The following FER1L5 variants were observed in gnomAD, a reference collection of about 807,000 sequenced individuals.
The protein encoded by FER1L5 is fer-1-like protein 5.
FER1L5 carries 187 observed loss-of-function variants against 279.9 expected under a neutral mutation model. The observed-to-expected ratio is 0.67, with a 90% confidence interval of 0.59 to 0.75. FER1L5 has a LOEUF of 0.75. Among genes scored for constraint, FER1L5 ranks in the 30% least tolerant of loss-of-function variants. The probability of loss-of-function intolerance (pLI) is 0.00; values close to 1 mark genes in which losing one functional copy is unlikely to be tolerated. For missense variants in FER1L5, 2,091 were observed against 2,594.4 expected (o/e 0.81, Z 4.21); for synonymous variants, 921 against 989.7 (o/e 0.93, Z 1.30).
intron 4 of FER1L5, 74 bp downstream of exon 4, chr2:96,647,960 C>A: frequency 8.3e-7 from 1 of 1,201,922 alleles, no homozygotes; most frequent in Non-Finnish European, 1.2e-6. Context: ...GCCCACACCA[C>A]AAGAGTGCTT....
At chr2:96,688,849 A>G (rs1427601272) in intron 24 of FER1L5, 2 of 210,558 alleles carry the variant, frequency 9.5e-6, no homozygotes, top group Non-Finnish European at 1.9e-5. Flanking sequence ...CCACTTGACC[A>G]CCATTGCTGC....
At chr2:96,674,155 T>C (rs1000452214) in intron 19 of FER1L5, among the ~76,000 whole-genome samples, 4 of 152,200 alleles carry the variant, frequency 2.6e-5, no homozygotes, top group African/African-American at 9.6e-5. Flanking sequence ...CCTATGCCCA[T>C]TGGCAGTCAC....
chr2:96,663,625 A>T, intron 14 of FER1L5, 118 bp downstream of exon 14: 1 of 1,101,760 alleles, frequency 9.1e-7, no homozygotes, highest in Non-Finnish European at 1.3e-6. Context: ...GGCAAGGGGG[A>T]CTCTGCCTGA....
Position 96,689,328 on chromosome 2 carries a change from C to T in FER1L5, c.2477C>T (p.Pro826Leu). The stretch of plus-strand genomic sequence containing the variant: ...CTCCCCATGACGGATTTCCAACCAC[C>T]CCTGGGATGGCACTGGCAGGACAGC... ...KTLPMTDFQP[P>L]LGWHWQDSWT... The change falls in exon 25 of 53, where the codon CCC (proline) becomes CTC (leucine). Residue 826 changes from proline (P) to leucine (L), a missense_variant. Pro to Leu is a moderately conservative substitution (Grantham distance 98). Coordinates refer to ENST00000624922, the MANE Select transcript of FER1L5 (RefSeq NM_001293083.2). This position sits in a 1 kb window ranked among gnomAD's most constrained non-coding sequence, Gnocchi z 4.6. 1 of 1,550,742 alleles carries T rather than the reference C, an allele frequency of 6.4e-7. No homozygotes were observed. Among genetic ancestry groups the T allele is most frequent in the Non-Finnish European group, 8.7e-7 (1 of 1,146,754 alleles).
chr2:96,704,216 C>G lies in FER1L5; in HGVS notation c.5803C>G (p.Arg1935Gly), dbSNP rs757294299. The stretch of plus-strand genomic sequence containing the variant: ...GACATCTCCCTGGCTCCTGGACAGA[C>G]GCACCAACACCTCTTTCACGTGGCT... Reference protein sequence around the residue: ...NQYPTLHPPLRTNTSFTWLRS... With the variant: ...NQYPTLHPPLGTNTSFTWLRS... The change falls in exon 52 of 53, where the codon CGC becomes GGC. Residue 1935 changes from arginine (R) to glycine (G), a missense_variant and splice_region_variant. Coordinates refer to ENST00000624922, the MANE Select transcript of FER1L5 (RefSeq NM_001293083.2). 1.2e-6 allele frequency: 2 copies of G among 1,613,882 alleles called. No individual in the cohort carries two copies. Among genetic ancestry groups the G allele is most frequent in the Non-Finnish European group, 1.7e-6 (2 of 1,179,830 alleles).
intron 9 of FER1L5, among the ~76,000 whole-genome samples, chr2:96,656,534 G>A (rs1344360066): frequency 2.0e-5 from 3 of 152,152 alleles, no homozygotes; most frequent in Non-Finnish European, 4.4e-5. Context: ...TGAGGCTGAG[G>A]CAGGTGAATC....
chr2:96,696,692 C>T (rs552751484), intron 37 of FER1L5, among the ~76,000 whole-genome samples: 2 of 152,070 alleles, frequency 1.3e-5, no homozygotes, highest in Admixed American at 6.5e-5. Context: ...CTTAAGGTCA[C>T]GAGTTCAAGA....
At chr2:96,679,940 C>G (rs150106342) in intron 19 of FER1L5, among the ~76,000 whole-genome samples, 1 of 152,018 alleles carries the variant, frequency 6.6e-6, no homozygotes, top group African/African-American at 2.4e-5. Context: ...CTGAAGTTTA[C>G]GGGCTCACAT....
At chr2:96,643,593 A>T (rs1573745134) in intron 1 of FER1L5, among the ~76,000 whole-genome samples, 1 of 151,952 alleles carries the variant, frequency 6.6e-6, no homozygotes, top group Non-Finnish European at 1.5e-5. Flanking sequence ...CAGGGGACCC[A>T]CCTGCCTCGG....
chr2:96,704,212 C>T lies in FER1L5; in HGVS notation c.5802-3C>T. On this transcript the variant is annotated splice_region_variant and splice_polypyrimidine_tract_variant and intron_variant, in intron 51 of 52. Transcript: ENST00000624922. Reference sequence around the variant, plus strand: ...CTCTGACATCTCCCTGGCTCCTGGACAGACGCACCAACACCTCTTTCACGT... The same window carrying T: ...CTCTGACATCTCCCTGGCTCCTGGATAGACGCACCAACACCTCTTTCACGT... 1 of 1,613,844 alleles carries T rather than the reference C, an allele frequency of 6.2e-7. No individual in the cohort carries two copies. The highest frequency in any genetic ancestry group is 1.1e-5 in the South Asian group (1 of 91,060).
intron 49 of FER1L5, 34 bp from the exon 50 acceptor site, chr2:96,703,119 C>T (rs750032266): frequency 6.2e-7 from 1 of 1,613,072 alleles, no homozygotes; most frequent in East Asian, 2.2e-5. Context: ...GGACAGGGAG[C>T]TCCTTCTTGC....
chr2:96,651,770 G>A, intron 6 of FER1L5, 122 bp from the exon 7 acceptor site: 1 of 1,401,670 alleles, frequency 7.1e-7, no homozygotes, highest in Middle Eastern at 1.8e-4. Flanking sequence ...GCCTCCCAAA[G>A]TGCTGGGATT....
chr2:96,690,465 C>T (rs1460238056), intron 26 of FER1L5, 22 bp from the exon 27 acceptor site: 45 of 1,549,194 alleles, frequency 2.9e-5, no homozygotes, highest in Admixed American at 2.2e-4. Context: ...GCCCCTCGCT[C>T]GCCCTCTCTG....
At chr2:96,657,665 A>G (rs940512953) in intron 9 of FER1L5, among the ~76,000 whole-genome samples, 5 of 152,120 alleles carry the variant, frequency 3.3e-5, no homozygotes, top group Non-Finnish European at 7.3e-5. Flanking sequence ...TTATTAATAG[A>G]TAAGTATTTC....
chr2:96,702,400 G>A lies in FER1L5; in HGVS notation c.5254G>A (p.Gly1752Arg), dbSNP rs773868791. The change falls in exon 47 of 53, where the codon GGG becomes AGG. Residue 1752 changes from glycine to arginine, a missense_variant and splice_region_variant. Coordinates refer to ENST00000624922, the MANE Select transcript of FER1L5 (RefSeq NM_001293083.2). This position sits in a 1 kb window ranked among gnomAD's most constrained non-coding sequence, Gnocchi z 4.0. ...REKTSDIYIK[G>R]WLYGLEKDMQ... Reference sequence around the variant, plus strand: ...GAAGACGAGCGACATCTACATCAAAGGGTAGGGAAGAGGAGTCAGGCTCCG... The same window carrying A: ...GAAGACGAGCGACATCTACATCAAAAGGTAGGGAAGAGGAGTCAGGCTCCG... The A allele has an allele frequency of 6.2e-7, 1 of 1,609,880 alleles. No homozygotes were observed. Among genetic ancestry groups the A allele is most frequent in the Admixed American group, 1.7e-5 (1 of 59,362 alleles).
At chr2:96,668,617 T>C (rs2076212489) in intron 14 of FER1L5, 134 bp from the exon 15 acceptor site, 1 of 1,011,518 alleles carries the variant, frequency 9.9e-7, no homozygotes, top group Admixed American at 2.0e-5. Context: ...AGCTTTTCTA[T>C]GATGAAGTGG....
chr2:96,678,103 T>C (rs1573887584), intron 19 of FER1L5, among the ~76,000 whole-genome samples: 1 of 134,706 alleles, frequency 7.4e-6, no homozygotes, highest in Non-Finnish European at 1.5e-5. Flanking sequence ...ACTGAGCACC[T>C]TTTTTTTTTT....
At position 96,695,786 on chromosome 2, in the gene FER1L5, G is replaced by A. The variant is rs1281581049; in HGVS notation, c.3939G>A (p.Lys1313=). 2 of 1,612,928 alleles carry A rather than the reference G, an allele frequency of 1.2e-6. No homozygotes were observed. The highest frequency in any genetic ancestry group is 1.7e-6 in the Non-Finnish European group (2 of 1,179,538). ...EEAYALPLVV[K]VVDNWAFGQQ... is the part of the protein sequence containing the mutation. Reference sequence around the variant, plus strand: ...CCTATGCACTGCCCCTCGTGGTGAAGGTGGTAGACAACTGGGCCTTCGGCC... The same window carrying A: ...CCTATGCACTGCCCCTCGTGGTGAAAGTGGTAGACAACTGGGCCTTCGGCC... Residue 1313 remains lysine, a synonymous_variant, in exon 36 of 53, where the codon AAG becomes AAA. Coordinates refer to ENST00000624922, the MANE Select transcript of FER1L5 (RefSeq NM_001293083.2).
chr2:96,685,876 C>T, intron 21 of FER1L5, 64 bp from the exon 22 acceptor site: 1 of 1,460,818 alleles, frequency 6.8e-7, no homozygotes, highest in Non-Finnish European at 9.1e-7. Flanking sequence ...TAAGGCAGGG[C>T]AGGAATGGTG....
Sources: gnomAD v4.1 joint callset for allele counts (sites outside exome capture counted in the v4.1 genomes callset) on GRCh38, gnomAD v4.1.1 for gene constraint, Gnocchi (gnomAD v3.1) non-coding constraint, MANE v1.5 for transcripts, NCBI Gene and HGNC (gene_info 2026-07-23, HGNC 2026-07-21) for gene names.